The following SCFD2 variants were observed in gnomAD, a reference collection of about 807,000 sequenced individuals.
SCFD2 encodes sec1 family domain-containing protein 2.
In SCFD2, 54 loss-of-function variants were observed where a neutral mutation model predicts 58.9. The observed-to-expected ratio is 0.92, with a 90% CI of 0.74 to 1.15. The LOEUF (loss-of-function observed/expected upper bound fraction) is 1.15, where lower values mean the gene tolerates loss of function less well. SCFD2 is among the 50% of genes most tolerant of loss of function. SCFD2 has a pLI of 0.00. For synonymous variants in SCFD2, 321 were observed against 335.9 expected, an observed-to-expected ratio of 0.96 and a Z score of 0.49; for missense variants, 805 against 836.6, an observed-to-expected ratio of 0.96 and a Z score of 0.47.
intron 4 of SCFD2, among the ~76,000 whole-genome samples, chr4:53,203,568 C>CA (rs1262306134): frequency 2.0e-5 from 3 of 151,228 alleles, no homozygotes; most frequent in Non-Finnish European, 4.4e-5. Flanking sequence ...CCCACAAATG[C>CA]AAAAAAATAA....
intron 5 of SCFD2, among the ~76,000 whole-genome samples, chr4:53,028,917 T>C (rs1421562438): frequency 6.6e-6 from 1 of 152,212 alleles, no homozygotes; most frequent in African/African-American, 2.4e-5. Context: ...GAGAGACAAG[T>C]AGGCAAGCAG....
At chr4:53,039,754 T>C (rs1281506751) in intron 5 of SCFD2, among the ~76,000 whole-genome samples, 1 of 152,202 alleles carries the variant, frequency 6.6e-6, no homozygotes, top group African/African-American at 2.4e-5. Flanking sequence ...AAAGACCACA[T>C]TCTGATTCCA....
At chr4:53,333,936 TGAA>T (rs1443995732) in intron 2 of SCFD2, among the ~76,000 whole-genome samples, 1 of 139,698 alleles carries the variant, frequency 7.2e-6, no homozygotes, top group Non-Finnish European at 1.5e-5. Context: ...AAAAAGTGGG[TGAA>T]GGACATGAGC....
At chr4:53,273,703 T>A (rs531224962) in intron 4 of SCFD2, 123 bp downstream of exon 4, 1 of 869,206 alleles carries the variant, frequency 1.2e-6, no homozygotes, top group East Asian at 2.9e-5. Context: ...ACTTAGAGAA[T>A]ATGAAGCAGG....
intron 5 of SCFD2, among the ~76,000 whole-genome samples, chr4:53,115,066 A>G (rs1443201201): frequency 1.3e-5 from 2 of 152,134 alleles, no homozygotes; most frequent in Non-Finnish European, 2.9e-5. Context: ...GAAAGGGAAA[A>G]CAGAAGAATG....
chr4:53,164,433 T>A (rs2148930146), intron 4 of SCFD2, among the ~76,000 whole-genome samples: 1 of 152,244 alleles, frequency 6.6e-6, no homozygotes, highest in East Asian at 1.9e-4. Flanking sequence ...TCCAGCCAGC[T>A]AGTCCCACAA....
chr4:53,230,238 G>C (rs192053979), intron 4 of SCFD2, among the ~76,000 whole-genome samples: 2 of 152,280 alleles, frequency 1.3e-5, no homozygotes, highest in African/African-American at 4.8e-5. Flanking sequence ...TCTAGAACTA[G>C]AAATACCATT....
intron 4 of SCFD2, among the ~76,000 whole-genome samples, chr4:53,208,016 G>A (rs1255673150): frequency 6.6e-6 from 1 of 150,806 alleles, no homozygotes; most frequent in Non-Finnish European, 1.5e-5. Context: ...GAGTACAGTA[G>A]CAAGATTTCA....
At chr4:52,992,237 C>G (rs1019028929) in intron 5 of SCFD2, among the ~76,000 whole-genome samples, 1 of 152,164 alleles carries the variant, frequency 6.6e-6, no homozygotes, top group Non-Finnish European at 1.5e-5. Flanking sequence ...CTGTGTTGGC[C>G]GGGCTGGTCT....
rs143815978 is a variant in SCFD2, at chr4:52,929,036, A to C, written c.1562-8166T>G. On this transcript the variant is annotated intron_variant, in intron 5 of 8. Transcript: ENST00000401642. The stretch of plus-strand genomic sequence containing the variant: ...TGCAGCCTACATGGGTAAGTGGATA[A>C]ACTTCCAAAAAGGCTACTTGAGAAG... 2.0e-5 allele frequency among the ~76,000 whole-genome samples: 3 copies of C among 152,348 alleles called. No individual in the cohort carries two copies. In the East Asian group the frequency reaches 5.8e-4, roughly 29 times the overall value.
chr4:52,960,978 C>A (rs1301404568), intron 5 of SCFD2, among the ~76,000 whole-genome samples: 1 of 152,108 alleles, frequency 6.6e-6, no homozygotes, highest in African/African-American at 2.4e-5. Flanking sequence ...ACAAAATGGC[C>A]TCCTGGGGGA....
intron 5 of SCFD2, among the ~76,000 whole-genome samples, chr4:53,098,197 C>A (rs1256189564): frequency 6.6e-6 from 1 of 152,124 alleles, no homozygotes; most frequent in Non-Finnish European, 1.5e-5. Flanking sequence ...TGTGTCTCTG[C>A]CAGGATTTGG....
At chr4:53,087,813 A>G (rs948527434) in intron 5 of SCFD2, among the ~76,000 whole-genome samples, 7 of 151,028 alleles carry the variant, frequency 4.6e-5, no homozygotes, top group Non-Finnish European at 7.4e-5. Flanking sequence ...GGCACCCACC[A>G]CCGTGCCCAG....
intron 3 of SCFD2, among the ~76,000 whole-genome samples, chr4:53,282,377 TAGG>T (rs1731533175): frequency 1.3e-5 from 2 of 152,198 alleles, no homozygotes; most frequent in Admixed American, 6.5e-5. Flanking sequence ...TCCTACATTT[TAGG>T]AGATTTTCTT....
chr4:53,315,278 T>G (rs970742345), intron 2 of SCFD2, among the ~76,000 whole-genome samples: 1 of 136,822 alleles, frequency 7.3e-6, no homozygotes, highest in South Asian at 2.3e-4. Flanking sequence ...TCAAGAAAGA[T>G]ATAAAATCTT....
intron 8 of SCFD2, among the ~76,000 whole-genome samples, chr4:52,883,007 C>T (rs1442859979): frequency 6.6e-6 from 1 of 152,200 alleles, no homozygotes; most frequent in African/African-American, 2.4e-5. Context: ...GTGAGGGTTA[C>T]TCCCTTGCTT....
intron 6 of SCFD2, among the ~76,000 whole-genome samples, chr4:52,910,571 TA>T (rs1468750416): frequency 6.6e-6 from 1 of 152,194 alleles, no homozygotes; most frequent in African/African-American, 2.4e-5. Flanking sequence ...AGCTTACAGT[TA>T]TTTATTTTAT....
At position 53,176,227 on chromosome 4, in the gene SCFD2, C is replaced by T. The variant is rs78583962; in HGVS notation, c.1312-30645G>A. On this transcript the variant is annotated intron_variant, in intron 4 of 8. Coordinates refer to ENST00000401642, the MANE Select transcript of SCFD2 (RefSeq NM_152540.4). ...ACAAACAACTTCTTTCAAAAGTCTG[C>T]GAATTAAAGTATAAGTAAAACATAT... is the stretch of plus-strand genomic sequence containing the variant. Among the ~76,000 whole-genome samples the T allele has an allele frequency of 1.3e-3, 205 of 152,136 alleles. 1 individual carries two copies. Among genetic ancestry groups the T allele is most frequent in the Non-Finnish European group, 2.1e-3 (143 of 67,990 alleles).
chr4:53,039,265 A>G (rs1002925230), intron 5 of SCFD2, among the ~76,000 whole-genome samples: 2 of 152,112 alleles, frequency 1.3e-5, no homozygotes, highest in African/African-American at 4.8e-5. Flanking sequence ...TGTTCAATAA[A>G]TGTTCATTTT....
Sources: gnomAD v4.1 joint callset for allele counts (sites outside exome capture counted in the v4.1 genomes callset) on GRCh38, gnomAD v4.1.1 for gene constraint, MANE v1.5 for transcripts, NCBI Gene and HGNC (gene_info 2026-07-23, HGNC 2026-07-21) for gene names.